The following DDR2 variants were observed in gnomAD, a reference collection of about 807,000 sequenced individuals.
DDR2 encodes discoidin domain receptor tyrosine kinase 2.
Under a neutral mutation model 94.9 loss-of-function variants are expected in DDR2, and 27 were observed. The ratio of observed to expected loss-of-function variants is 0.28; its 90% CI spans 0.21 to 0.39. The LOEUF is 0.39. DDR2 is among the 10% of genes least tolerant of loss of function. The pLI, the probability that DDR2 is intolerant of heterozygous loss-of-function variation, is 1.00. For synonymous variants in DDR2, 382 were observed against 377.2 expected, an observed-to-expected ratio of 1.01 and a Z score of -0.15; for missense variants, 783 against 1,076.0, an observed-to-expected ratio of 0.73 and a Z score of 3.81.
chr1:162,764,648 G>A (rs1416649892), intron 9 of DDR2, among the ~76,000 whole-genome samples: 5 of 151,886 alleles, frequency 3.3e-5, no homozygotes, highest in African/African-American at 1.2e-4. Context: ...GCAACATGGC[G>A]AAATCCTGTC....
chr1:162,761,400 C>A lies in DDR2; in HGVS notation c.1045C>A (p.Gln349Lys), dbSNP rs2102156036. 6.2e-7 allele frequency: 1 copy of A among 1,614,198 alleles called. No individual in the cohort carries two copies. The highest frequency in any genetic ancestry group is 8.5e-7 in the Non-Finnish European group (1 of 1,180,032). Residue 349 changes from glutamine to lysine, a missense_variant, in exon 9 of 18, where the codon CAA (glutamine) becomes AAA (lysine). This residue lies in a region of DDR2 where 519 missense variants were observed against 647.9 expected (regional missense o/e 0.80). Coordinates refer to ENST00000367921, the MANE Select transcript of DDR2 (RefSeq NM_006182.4). ...CCGAATGGCCAGTGCCATCAAGTGT[C>A]AATACCATTTTGCAGATACCTGGAT... ...HHRMASAIKCQYHFADTWMMF... is the reference protein window; with the variant it reads ...HHRMASAIKCKYHFADTWMMF...
intron 2 of DDR2, among the ~76,000 whole-genome samples, chr1:162,678,696 C>A (rs1459455057): frequency 6.6e-6 from 1 of 152,196 alleles, no homozygotes; most frequent in African/African-American, 2.4e-5. Context: ...AACCTTGTAT[C>A]TTCCCGTAAA....
intron 1 of DDR2, among the ~76,000 whole-genome samples, chr1:162,650,286 C>T (rs1041167674): frequency 1.3e-4 from 3 of 23,438 alleles, no homozygotes; most frequent in Admixed American, 8.3e-4. Context: ...TCCTCCTCCA[C>T]GTTAAAAAAA....
At chr1:162,705,892 C>T (rs976624402) in intron 2 of DDR2, among the ~76,000 whole-genome samples, 2 of 152,188 alleles carry the variant, frequency 1.3e-5, no homozygotes, top group African/African-American at 2.4e-5. Context: ...GCTCCATAAA[C>T]GTTTATCAGT....
chr1:162,742,733 T>C (rs1241424570), intron 3 of DDR2, among the ~76,000 whole-genome samples: 3 of 152,062 alleles, frequency 2.0e-5, no homozygotes, highest in African/African-American at 7.2e-5. Context: ...GATAAAGACA[T>C]ACCCAAGACT....
chr1:162,730,058 C>CTTTAA (rs1661953788), intron 3 of DDR2, among the ~76,000 whole-genome samples: 7 of 64,172 alleles, frequency 1.1e-4, no homozygotes, highest in Admixed American at 1.8e-4. Flanking sequence ...TTTTTTTTTG[C>CTTTAA]AAAAAAAAAA....
chr1:162,665,894 T>C (rs1658526751), intron 2 of DDR2, among the ~76,000 whole-genome samples: 2 of 152,214 alleles, frequency 1.3e-5, no homozygotes, highest in Non-Finnish European at 2.9e-5. Context: ...AGAGGATTTC[T>C]TTTTTCCATT....
chr1:162,710,575 T>C (rs1364279545), intron 2 of DDR2, among the ~76,000 whole-genome samples: 1 of 152,150 alleles, frequency 6.6e-6, no homozygotes, highest in East Asian at 1.9e-4. Context: ...TAATATGAAA[T>C]ACTCCAAAAC....
At chr1:162,660,956 A>G (rs940458714) in intron 2 of DDR2, among the ~76,000 whole-genome samples, 48 of 152,308 alleles carry the variant, frequency 3.2e-4, no homozygotes, top group African/African-American at 1.1e-3. Context: ...CAGTTTGCTG[A>G]CCCTGGCTTA....
intron 2 of DDR2, among the ~76,000 whole-genome samples, chr1:162,669,443 A>G (rs1369600393): frequency 6.6e-6 from 1 of 152,166 alleles, no homozygotes; most frequent in Non-Finnish European, 1.5e-5. Flanking sequence ...AAACAAATCT[A>G]TTTTCTCCCA....
chr1:162,688,773 T>C (rs1458821826), intron 2 of DDR2, among the ~76,000 whole-genome samples: 2 of 152,152 alleles, frequency 1.3e-5, no homozygotes, highest in African/African-American at 4.8e-5. Context: ...CAGGAAACTG[T>C]CTGGAGAAGG....
chr1:162,695,271 G>C (rs955765245), intron 2 of DDR2, among the ~76,000 whole-genome samples: 2 of 152,080 alleles, frequency 1.3e-5, no homozygotes, highest in African/African-American at 4.8e-5. Context: ...TAGTTCTGTT[G>C]CCCAGGCTAG....
At chr1:162,743,148 G>A (rs1662691832) in intron 3 of DDR2, among the ~76,000 whole-genome samples, 1 of 152,144 alleles carries the variant, frequency 6.6e-6, no homozygotes, top group African/African-American at 2.4e-5. Flanking sequence ...GTTTCTGGAA[G>A]TATCAGCTAA....
chr1:162,685,249 T>C (rs1357522244), intron 2 of DDR2, among the ~76,000 whole-genome samples: 2 of 152,166 alleles, frequency 1.3e-5, no homozygotes, highest in African/African-American at 4.8e-5. Context: ...TGAAATATAT[T>C]TAGAACAGAG....
At chr1:162,636,906 C>T (rs1656851833) in intron 1 of DDR2, among the ~76,000 whole-genome samples, 3 of 152,070 alleles carry the variant, frequency 2.0e-5, no homozygotes, top group African/African-American at 7.2e-5. Flanking sequence ...TCCAAAAAAA[C>T]ATGAAACAAT....
intron 1 of DDR2, among the ~76,000 whole-genome samples, chr1:162,633,344 G>C (rs1656651412): frequency 1.3e-5 from 2 of 152,188 alleles, no homozygotes; most frequent in African/African-American, 2.4e-5. Context: ...AAAGAGAACT[G>C]TTCCCAGTGG....
intron 3 of DDR2, among the ~76,000 whole-genome samples, chr1:162,742,010 T>G (rs1662635755): frequency 6.6e-6 from 1 of 152,222 alleles, no homozygotes; most frequent in Non-Finnish European, 1.5e-5. Flanking sequence ...CCTGTGTTAG[T>G]GTTTCCTCAT....
intron 1 of DDR2, among the ~76,000 whole-genome samples, chr1:162,635,507 A>T (rs560527299): frequency 1.4e-3 from 206 of 152,268 alleles, no homozygotes; most frequent in African/African-American, 4.8e-3. Context: ...ACATGCTAAC[A>T]TTCTTGTGCC....
intron 2 of DDR2, among the ~76,000 whole-genome samples, chr1:162,656,833 G>GTTGTTTTTT (rs1657990644): frequency 7.6e-5 from 5 of 65,682 alleles, no homozygotes; most frequent in African/African-American, 2.4e-4. Context: ...TGCCACTGGA[G>GTTGTTTTTT]TTTTTTTTTT....
Sources: gnomAD v4.1 joint callset for allele counts (sites outside exome capture counted in the v4.1 genomes callset) on GRCh38, gnomAD v4.1.1 for gene constraint, gnomAD v4.1.1 regional missense constraint, MANE v1.5 for transcripts, NCBI Gene and HGNC (gene_info 2026-07-23, HGNC 2026-07-21) for gene names.